The following NEK10 variants were observed in gnomAD, a reference collection of about 807,000 sequenced individuals.
NEK10 encodes the protein serine/threonine-protein kinase Nek10.
A neutral mutation model predicts 159.8 loss-of-function variants in NEK10; 122 were observed. That is an observed-to-expected ratio of 0.76 (90% confidence interval 0.66 to 0.89). The LOEUF is 0.89. Ranked by LOEUF, NEK10 falls within the 40% of genes least tolerant of loss-of-function variation. The pLI is 0.00. For missense variants in NEK10, 1,342 were observed against 1,323.1 expected, an observed-to-expected ratio of 1.01 and a Z score of -0.22; for synonymous variants, 466 against 457.1, an observed-to-expected ratio of 1.02 and a Z score of -0.25.
chr3:27,365,619 T>TTTTG (rs2049018602), intron 1 of NEK10, among the ~76,000 whole-genome samples: 5 of 137,828 alleles, frequency 3.6e-5, no homozygotes, highest in African/African-American at 1.1e-4. Context: ...TGTTTTTTTT[T>TTTTG]TTTTTTTTTT....
At chr3:27,123,450 A>T (rs1347351305) in intron 32 of NEK10, among the ~76,000 whole-genome samples, 1 of 152,182 alleles carries the variant, frequency 6.6e-6, no homozygotes, top group African/African-American at 2.4e-5. Flanking sequence ...GATGAAAGGG[A>T]TATGACATGA....
At chr3:27,179,479 T>C (rs908470829) in intron 26 of NEK10, among the ~76,000 whole-genome samples, 17 of 152,362 alleles carry the variant, frequency 1.1e-4, no homozygotes, top group African/African-American at 3.4e-4. Context: ...TGGTTAAAAA[T>C]GTTTCACTGT....
intron 5 of NEK10, among the ~76,000 whole-genome samples, chr3:27,331,799 G>C (rs2046440162): frequency 6.6e-6 from 1 of 152,094 alleles, no homozygotes; most frequent in African/African-American, 2.4e-5. Context: ...AATTCAACAA[G>C]TTTTCTCTTA....
intron 23 of NEK10, among the ~76,000 whole-genome samples, chr3:27,233,760 C>T (rs1286330632): frequency 6.6e-6 from 1 of 152,068 alleles, no homozygotes; most frequent in Non-Finnish European, 1.5e-5. Context: ...TCTTCCCTAA[C>T]CCATTCTATG....
chr3:27,325,267 A>T (rs1402917788), intron 5 of NEK10, among the ~76,000 whole-genome samples: 1 of 152,228 alleles, frequency 6.6e-6, no homozygotes, highest in Non-Finnish European at 1.5e-5. Flanking sequence ...CTTCTATTTC[A>T]TACTCAGCCA....
At chr3:27,159,856 A>G (rs1407550248) in intron 30 of NEK10, among the ~76,000 whole-genome samples, 1 of 151,590 alleles carries the variant, frequency 6.6e-6, no homozygotes, top group Non-Finnish European at 1.5e-5. Context: ...CAATATAGGC[A>G]CTTGGCACTC....
chr3:27,259,983 T>A (rs1328577589), intron 22 of NEK10, among the ~76,000 whole-genome samples: 3 of 152,228 alleles, frequency 2.0e-5, no homozygotes, highest in Non-Finnish European at 4.4e-5. Context: ...TTGAAGCAAT[T>A]GTGAATGCGA....
chr3:27,275,353 G>T (rs1017544119), intron 22 of NEK10, among the ~76,000 whole-genome samples: 1 of 152,122 alleles, frequency 6.6e-6, no homozygotes, highest in Non-Finnish European at 1.5e-5. Context: ...TATGTTATGA[G>T]ACCCAATGGC....
In NEK10 at chr3:27,312,196, C is replaced by G. The variant is rs758342036; in HGVS notation, c.490-19G>C. The G allele has an allele frequency of 1.9e-6, 3 of 1,538,660 alleles. No individual in the cohort carries two copies. In the East Asian group the frequency reaches 7.0e-5, roughly 36 times the overall value. On this transcript the variant is annotated intron_variant, in intron 7 of 35. Transcript: ENST00000691995. The stretch of plus-strand genomic sequence containing the variant: ...CCATATACTGCATGAAGGACCAAAC[C>G]AACAAGCCAGTCAGGACACCAAAAG...
At chr3:27,159,403 A>G (rs897309206) in intron 30 of NEK10, among the ~76,000 whole-genome samples, 2 of 152,160 alleles carry the variant, frequency 1.3e-5, no homozygotes, top group Non-Finnish European at 2.9e-5. Context: ...ATGAATTTAA[A>G]TTGAGTTAGT....
intron 5 of NEK10, among the ~76,000 whole-genome samples, chr3:27,341,266 G>A (rs1396424919): frequency 1.3e-5 from 2 of 152,094 alleles, no homozygotes; most frequent in Non-Finnish European, 2.9e-5. Flanking sequence ...TAGATGAAAG[G>A]TATGAGTTCC....
chr3:27,204,275 CTTTTTTTTTTTTTTTTTTTGTTGTTGTT>C (rs1400731180), intron 23 of NEK10, among the ~76,000 whole-genome samples: 5 of 64,012 alleles, frequency 7.8e-5, no homozygotes, highest in South Asian at 6.0e-4. Context: ...GATAAATTTT[CTTTTTTTTTTTTTTTTTTTGTTGTTGTT>C]TTTTTTTTTT....
intron 35 of NEK10, among the ~76,000 whole-genome samples, chr3:27,115,073 G>A (rs1388883433): frequency 6.6e-6 from 1 of 152,060 alleles, no homozygotes; most frequent in Non-Finnish European, 1.5e-5. Context: ...TTTACAAAAG[G>A]CCAGAAAAAA....
At chr3:27,257,857 C>T (rs1166487514) in intron 22 of NEK10, among the ~76,000 whole-genome samples, 2 of 148,268 alleles carry the variant, frequency 1.3e-5, no homozygotes, top group East Asian at 2.0e-4. Flanking sequence ...GGCGCAATCT[C>T]GGCTTACTGC....
chr3:27,310,817 A>G (rs1231534787), intron 9 of NEK10, 132 bp downstream of exon 9: 1 of 537,200 alleles, frequency 1.9e-6, no homozygotes, highest in Non-Finnish European at 3.3e-6. Flanking sequence ...ACAAAGATCC[A>G]CAATCTCAGG....
At chr3:27,247,990 C>T (rs940027896) in intron 23 of NEK10, among the ~76,000 whole-genome samples, 7 of 151,818 alleles carry the variant, frequency 4.6e-5, no homozygotes, top group African/African-American at 1.5e-4. Flanking sequence ...AACAGTGAAG[C>T]CATTGGGTCT....
intron 23 of NEK10, among the ~76,000 whole-genome samples, chr3:27,210,962 T>G (rs116535558): frequency 5.3e-5 from 8 of 152,336 alleles, no homozygotes; most frequent in Non-Finnish European, 1.2e-4. Flanking sequence ...CAATACTTCT[T>G]CAAGTTAGGG....
intron 23 of NEK10, among the ~76,000 whole-genome samples, chr3:27,241,352 C>G (rs185809379): frequency 2.6e-5 from 4 of 152,228 alleles, no homozygotes; most frequent in South Asian, 2.1e-4. Context: ...TTACTTCTTG[C>G]GAGCACACTG....
At chr3:27,135,838 C>A (rs1168390695) in intron 31 of NEK10, among the ~76,000 whole-genome samples, 1 of 152,112 alleles carries the variant, frequency 6.6e-6, no homozygotes. Context: ...TCCTAAATAT[C>A]TTATTCTGTT....
Sources: gnomAD v4.1 joint callset for allele counts (sites outside exome capture counted in the v4.1 genomes callset) on GRCh38, gnomAD v4.1.1 for gene constraint, MANE v1.5 for transcripts, NCBI Gene and HGNC (gene_info 2026-07-23, HGNC 2026-07-21) for gene names.